Variants in JUP observed in about 807,000 individuals in gnomAD.
The protein encoded by JUP is catenin (cadherin-associated protein), gamma 80kDa.
Under a neutral mutation model 71.1 loss-of-function variants are expected in JUP, and 28 were observed. That is an observed-to-expected ratio of 0.39 (90% CI 0.29 to 0.54). The LOEUF is 0.54. JUP is among the 20% of genes least tolerant of loss of function. JUP has a pLI of 0.62. For missense variants in JUP, 869 were observed against 1,030.1 expected (o/e 0.84, Z 2.14); for synonymous variants, 401 against 438.9 (o/e 0.91, Z 1.08).
chr17:41,766,293 G>C (rs1555603996), intron 5 of JUP, among the ~76,000 whole-genome samples: 1 of 149,328 alleles, frequency 6.7e-6, no homozygotes, highest in African/African-American at 2.5e-5. Context: ...AAGGAAGAAA[G>C]AGAGGAAGAG....
In JUP at chr17:41,764,929, C is replaced by T; in HGVS notation, c.1048G>A (p.Glu350Lys). 1 of 1,614,188 alleles carries T rather than the reference C, an allele frequency of 6.2e-7. No homozygotes were observed. The highest frequency in any genetic ancestry group is 8.5e-7 in the Non-Finnish European group (1 of 1,180,028). ...TCAAGGCCATCATACTCACCAGCCT[C>T]CACAATGGCAGGCTTATTGCTGGGA... The part of the protein sequence containing the change: ...VCPSNKPAIV[E>K]AGGMQALGKH... The change falls in exon 6 of 14, where the codon GAG becomes AAG. Residue 350 changes from glutamate (E) to lysine (K), a missense_variant. Coordinates refer to ENST00000393931, the MANE Select transcript of JUP (RefSeq NM_002230.4).
rs527293499 is a variant in JUP at position 41,775,352 on chromosome 17, G to A, written c.-8-3490C>T. Among the ~76,000 whole-genome samples, 7 of 152,340 alleles carry A rather than the reference G, an allele frequency of 4.6e-5. No homozygotes were observed. In the South Asian group the frequency reaches 1.5e-3, roughly 32 times the overall value. On this transcript the variant is annotated intron_variant, in intron 1 of 13. Transcript: ENST00000393931. The stretch of plus-strand genomic sequence containing the variant: ...GGTCACGGGAGCTATTCCTGCAACA[G>A]GAAGGCTGGAAGTCAGACCTCAGGC...
chr17:41,755,655 A>G lies in JUP; in HGVS notation c.*89T>C. 3.1e-6 allele frequency: 4 copies of G among 1,293,022 alleles called. No homozygotes were observed. The highest frequency in any genetic ancestry group is 2.7e-4 in the Middle Eastern group (1 of 3,650). 80.1% of individuals were successfully genotyped at this position (1,293,022 alleles called of 1,614,324 possible). On this transcript the variant is annotated 3_prime_UTR_variant, in exon 14 of 14. Coordinates refer to ENST00000393931, the MANE Select transcript of JUP (RefSeq NM_002230.4). ...CCCCCAAAAAAGGAGCGCAGGTTTC[A>G]GCGGGGAGATGGGAGGGCCTCCAAC...
chr17:41,758,921 A>G (rs1255151612), intron 8 of JUP, 51 bp from the exon 9 acceptor site: 1 of 1,556,746 alleles, frequency 6.4e-7, no homozygotes, highest in Non-Finnish European at 8.7e-7. Context: ...CATCTGAAGG[A>G]TCCCAGCTTC....
Position 41,755,645 on chromosome 17 carries a change from C to T in JUP, c.*99G>A, listed in dbSNP as rs987702957. 1.3e-5 allele frequency: 15 copies of T among 1,199,714 alleles called. No homozygotes were observed. Among genetic ancestry groups the T allele is most frequent in the South Asian group, 1.7e-5 (1 of 58,494 alleles). 74.3% of individuals were successfully genotyped at this position (1,199,714 alleles called of 1,614,324 possible). On this transcript the variant is annotated 3_prime_UTR_variant, in exon 14 of 14. Coordinates refer to ENST00000393931, the MANE Select transcript of JUP (RefSeq NM_002230.4). ...GCAAAGGATCCCCCCAAAAAAGGAG[C>T]GCAGGTTTCAGCGGGGAGATGGGAG... is the stretch of plus-strand genomic sequence containing the variant.
intron 1 of JUP, among the ~76,000 whole-genome samples, chr17:41,774,545 G>A (rs1359794834): frequency 6.6e-6 from 1 of 151,988 alleles, no homozygotes; most frequent in African/African-American, 2.4e-5. Flanking sequence ...TGTTGGCCAG[G>A]CTGGTCTTGA....
At chr17:41,784,913 A>C (rs2047373353) in intron 1 of JUP, 1 of 150,804 alleles carries the variant, frequency 6.6e-6, no homozygotes. Flanking sequence ...AAAAGACCAC[A>C]TTTCAGATTT....
At position 41,784,086 on chromosome 17, in the gene JUP, C is replaced by T. The variant is rs564518857; in HGVS notation, c.-9+2502G>A. 2.0e-5 allele frequency among the ~76,000 whole-genome samples: 3 copies of T among 152,184 alleles called. No individual in the cohort carries two copies. The South Asian group carries it at 6.2e-4, about 32-fold the overall frequency. On this transcript the variant is annotated intron_variant, in intron 1 of 13. Transcript: ENST00000393931. ...AACCCAGCTCAGTTCAAGCCCAAAG[C>T]CCTGTGCTCAGAACTGCCCCACTGT...
At position 41,766,597 on chromosome 17, in the gene JUP, G is replaced by A. The variant is rs114733757; in HGVS notation, c.909+782C>T. On this transcript the variant is annotated intron_variant, in intron 5 of 13. Transcript: ENST00000393931. ...GGGTGGGGCACGGTGTCTCATGCCT[G>A]TAATCCCAGCATTTTATGAGGCCGA... Among the ~76,000 whole-genome samples, 808 of 152,094 alleles carry A rather than the reference G, an allele frequency of 5.3e-3. 4 individuals carry two copies. The highest frequency in any genetic ancestry group is 0.019 in the African/African-American group (771 of 41,486).
chr17:41,779,421 G>A (rs1417056377), intron 1 of JUP, among the ~76,000 whole-genome samples: 4 of 144,426 alleles, frequency 2.8e-5, no homozygotes, highest in South Asian at 2.2e-4. Context: ...TCCGCCTCCC[G>A]GGTTCACGCC....
chr17:41,765,880 T>G (rs2143618979), intron 5 of JUP, among the ~76,000 whole-genome samples: 1 of 152,326 alleles, frequency 6.6e-6, no homozygotes, highest in South Asian at 2.1e-4. Flanking sequence ...AGACATTCAT[T>G]ACAGCATTGT....
intron 1 of JUP, chr17:41,772,920 T>A (rs1254617995): frequency 2.0e-6 from 2 of 985,230 alleles, no homozygotes; most frequent in Non-Finnish European, 2.4e-6. Flanking sequence ...CCTGCAGAGG[T>A]CAGAGGCTGC....
intron 8 of JUP, among the ~76,000 whole-genome samples, chr17:41,762,206 T>TGTGTG (rs1915004860): frequency 4.8e-5 from 6 of 125,646 alleles, no homozygotes; most frequent in African/African-American, 1.8e-4. Context: ...TGTGTGTGTG[T>TGTGTG]TTTAGATTGT....
intron 1 of JUP, among the ~76,000 whole-genome samples, chr17:41,783,096 CAA>C (rs527709887): frequency 1.6e-4 from 18 of 113,196 alleles, no homozygotes; most frequent in Admixed American, 3.9e-4. Flanking sequence ...GACTCCATCT[CAA>C]AAAAAAAAAA....
intron 12 of JUP, among the ~76,000 whole-genome samples, chr17:41,756,756 C>T (rs142142665): frequency 0.013 from 1,924 of 151,754 alleles, 32 homozygotes; most frequent in African/African-American, 0.038. Flanking sequence ...AAAAATTAGC[C>T]GGGTGTGGTA....
At position 41,758,703 on chromosome 17, in the gene JUP, C is replaced by T. The variant is rs1049591642; in HGVS notation, c.1653+12G>A. On this transcript the variant is annotated intron_variant, in intron 9 of 13. Transcript: ENST00000393931. Reference sequence around the variant, plus strand: ...CCAGGAAGGCTGTCAGAGGCACCACCAGCTCACATACCGTGTAGGGCTGCT... The same window carrying T: ...CCAGGAAGGCTGTCAGAGGCACCACTAGCTCACATACCGTGTAGGGCTGCT... 3 of 1,598,544 alleles carry T rather than the reference C, an allele frequency of 1.9e-6. No individual in the cohort carries two copies. Among genetic ancestry groups the T allele is most frequent in the Non-Finnish European group, 2.6e-6 (3 of 1,173,016 alleles).
intron 1 of JUP, among the ~76,000 whole-genome samples, chr17:41,773,491 G>A (rs144633365): frequency 0.015 from 2,331 of 152,266 alleles, 34 homozygotes; most frequent in Non-Finnish European, 0.02. Flanking sequence ...AAGCAGTCCC[G>A]CCACCTCAGA....
chr17:41,775,742 G>A (rs1297979319), intron 1 of JUP, among the ~76,000 whole-genome samples: 2 of 152,216 alleles, frequency 1.3e-5, no homozygotes, highest in Non-Finnish European at 2.9e-5. Context: ...ACAGCCCAAG[G>A]ACAGGAAGAA....
chr17:41,773,996 C>T (rs1300463094), intron 1 of JUP, among the ~76,000 whole-genome samples: 1 of 152,244 alleles, frequency 6.6e-6, no homozygotes, highest in Non-Finnish European at 1.5e-5. Context: ...CCAGAGGGCC[C>T]TCCTGCATAG....
Sources: allele counts gnomAD v4.1 joint callset (sites outside exome capture counted in the v4.1 genomes callset), GRCh38; gene constraint gnomAD v4.1.1; transcripts MANE v1.5; gene names NCBI Gene and HGNC (gene_info 2026-07-23, HGNC 2026-07-21).